PZP: variants seen among roughly 807,000 people sequenced by gnomAD.
The protein encoded by PZP is pregnancy zone protein.
In PZP, 150 loss-of-function variants were observed where a neutral mutation model predicts 179.8. That is an observed-to-expected ratio of 0.83 (90% CI 0.73 to 0.96). The LOEUF is 0.96. Among genes scored for constraint, PZP ranks in the 40% least tolerant of loss-of-function variants. PZP has a pLI of 0.00. For synonymous variants in PZP, 624 were observed against 652.3 expected (o/e 0.96, Z 0.66); for missense variants, 1,689 against 1,764.0 (o/e 0.96, Z 0.76).
Position 9,182,132 on chromosome 12 carries a change from G to GAGTGAGACAAAATGGTCGTA in PZP, c.1547-16_1547-15insTACGACCATTTTGTCTCACT. On this transcript the variant is annotated splice_polypyrimidine_tract_variant and intron_variant, in intron 13 of 35. Transcript: ENST00000261336. Reference sequence around the variant, plus strand: ...ACTGCCTTTCACTGGAACATGGAGAGAGTGAGACAAAATGGTCATAAGTGA... The same window carrying GAGTGAGACAAAATGGTCGTA: ...ACTGCCTTTCACTGGAACATGGAGAGAGTGAGACAAAATGGTCGTAAGTGAGACAAAATGGTCATAAGTGA... The GAGTGAGACAAAATGGTCGTA allele has an allele frequency of 1.9e-6, 3 of 1,554,332 alleles. No individual in the cohort carries two copies. Among genetic ancestry groups the GAGTGAGACAAAATGGTCGTA allele is most frequent in the Non-Finnish European group, 2.6e-6 (3 of 1,146,646 alleles).
In PZP at chr12:9,196,655, C is replaced by T. The variant is rs200092318; in HGVS notation, c.898G>A (p.Val300Ile). ...GTAATCTGGAGCATTTTGGTGTGTA[C>T]TTGTTGGGTGATGCAGCCATTGCTG... ...LNSNGCITQQ[V>I]HTKMLQITNT... Residue 300 changes from valine (V) to isoleucine (I), a missense_variant, in exon 9 of 36, where the codon GTA becomes ATA. This residue lies in a region of PZP where 742 missense variants were observed against 730.5 expected (regional missense o/e 1.02). Coordinates refer to ENST00000261336, the MANE Select transcript of PZP (RefSeq NM_002864.3). 38 of 1,613,362 alleles carry T rather than the reference C, an allele frequency of 2.4e-5. No homozygotes were observed. Among genetic ancestry groups the T allele is most frequent in the African/African-American group, 2.7e-5 (2 of 75,002 alleles).
In PZP at chr12:9,158,443, A is replaced by C. The variant is rs767001817; in HGVS notation, c.3271T>G (p.Ser1091Ala). 2.5e-6 allele frequency: 4 copies of C among 1,614,158 alleles called. No homozygotes were observed. The highest frequency in any genetic ancestry group is 3.4e-6 in the Non-Finnish European group (4 of 1,180,024). Residue 1091 changes from serine (S) to alanine (A), a missense_variant, in exon 26 of 36, where the codon TCA becomes GCA. This residue lies in a region of PZP where 746 missense variants were observed against 749.2 expected (regional missense o/e 1.00). Coordinates refer to ENST00000261336, the MANE Select transcript of PZP (RefSeq NM_002864.3). ...ACCTTTATGGCATTGTTGAGCAGTGACCCAGAGCTCCTGAAACAGCCATTG... is the reference window on the plus strand; with the variant it reads ...ACCTTTATGGCATTGTTGAGCAGTGCCCCAGAGCTCCTGAAACAGCCATTG... ...KDNGCFRSSG[S>A]LLNNAIKGGV...
intron 15 of PZP, among the ~76,000 whole-genome samples, chr12:9,174,765 G>C (rs1226265189): frequency 6.6e-6 from 1 of 151,960 alleles, no homozygotes; most frequent in Non-Finnish European, 1.5e-5. Context: ...GGAAGTGAAG[G>C]ACCTCTTCAA....
chr12:9,162,653 G>T lies in PZP; in HGVS notation c.2737-5C>A. ...TTCTTGCTCAATACCTTCAGCCTTG[G>T]ATGAAAGGAAAGAAAAGGAGAAAAG... is the stretch of plus-strand genomic sequence containing the variant. On this transcript the variant is annotated splice_region_variant and splice_polypyrimidine_tract_variant and intron_variant, in intron 21 of 35. Transcript: ENST00000261336. The T allele has an allele frequency of 6.3e-7, 1 of 1,587,488 alleles. No homozygotes were observed. The highest frequency in any genetic ancestry group is 8.6e-7 in the Non-Finnish European group (1 of 1,157,316).
intron 15 of PZP, 192 bp from the exon 16 acceptor site, chr12:9,169,783 T>A: frequency 1.1e-5 from 5 of 466,990 alleles, no homozygotes; most frequent in Non-Finnish European, 1.8e-5. Flanking sequence ...GAAACCTACT[T>A]GGGAAAATGC....
chr12:9,164,746 A>G (rs1941465350), intron 19 of PZP, among the ~76,000 whole-genome samples: 1 of 152,250 alleles, frequency 6.6e-6, no homozygotes, highest in African/African-American at 2.4e-5. Flanking sequence ...TTACAAAGAG[A>G]TAAGTGCTAT....
downstream of PZP, among the ~76,000 whole-genome samples, chr12:9,144,154 G>A (rs1269634644): frequency 1.3e-5 from 2 of 152,060 alleles, no homozygotes; most frequent in Non-Finnish European, 2.9e-5. Context: ...TTGAACCAGA[G>A]CCACATGAGG....
intron 33 of PZP, 68 bp downstream of exon 33, chr12:9,151,536 T>G (rs975379918): frequency 7.7e-7 from 1 of 1,299,750 alleles, no homozygotes; most frequent in Admixed American, 1.9e-5. Flanking sequence ...TACCGACTAT[T>G]CTAGTAAAGA....
chr12:9,204,379 G>C (rs777291169), intron 1 of PZP, among the ~76,000 whole-genome samples: 1 of 152,206 alleles, frequency 6.6e-6, no homozygotes, highest in Admixed American at 6.5e-5. Flanking sequence ...ATTAAAATCT[G>C]TCTAGATAAA....
intron 4 of PZP, among the ~76,000 whole-genome samples, 156 bp from the exon 5 acceptor site, chr12:9,201,503 A>G (rs2121214567): frequency 6.6e-6 from 1 of 152,324 alleles, no homozygotes; most frequent in Non-Finnish European, 1.5e-5. Flanking sequence ...GGAAATTATT[A>G]AATAGTTCTA....
At position 9,162,782 on chromosome 12, in the gene PZP, T is replaced by C. The variant is rs981121638; in HGVS notation, c.2737-134A>G. 2.6e-5 allele frequency: 19 copies of C among 737,380 alleles called. No homozygotes were observed. In the African/African-American group the frequency reaches 2.8e-4, roughly 11 times the overall value. 45.7% of individuals were successfully genotyped at this position (737,380 alleles called of 1,614,324 possible). A position where few individuals can be genotyped will look rare whatever the true frequency, so the allele number is the denominator to read the frequency against. ...ATCCTACTCTTTTTTTCCCAACTTT[T>C]GTTTTAAGTTCAAGGGGACATGTGC... is the stretch of plus-strand genomic sequence containing the variant. On this transcript the variant is annotated intron_variant, in intron 21 of 35. Coordinates refer to ENST00000261336, the MANE Select transcript of PZP (RefSeq NM_002864.3).
At chr12:9,190,223 C>CAGTA (rs1943380664) in intron 13 of PZP, among the ~76,000 whole-genome samples, 1 of 151,906 alleles carries the variant, frequency 6.6e-6, no homozygotes, top group Non-Finnish European at 1.5e-5. Flanking sequence ...TTGCAATGAA[C>CAGTA]AGTAGCAAAG....
At chr12:9,175,615 A>G (rs1258854937) in intron 15 of PZP, among the ~76,000 whole-genome samples, 1 of 152,212 alleles carries the variant, frequency 6.6e-6, no homozygotes, top group African/African-American at 2.4e-5. Context: ...CAAATTTACA[A>G]GAAATAAAAA....
At chr12:9,182,605 T>G (rs1173584829) in intron 13 of PZP, among the ~76,000 whole-genome samples, 2 of 152,222 alleles carry the variant, frequency 1.3e-5, no homozygotes, top group Non-Finnish European at 2.9e-5. Context: ...TCTTGGAGTT[T>G]TCATTGCAGT....
At chr12:9,168,673 G>A (rs1220154179) in intron 17 of PZP, 196 bp downstream of exon 17, 1 of 501,900 alleles carries the variant, frequency 2.0e-6, no homozygotes, top group Non-Finnish European at 3.5e-6. Context: ...TGAAGTATCG[G>A]ATGTATCTAA....
chr12:9,193,633 T>G (rs1943579811), intron 11 of PZP, among the ~76,000 whole-genome samples: 1 of 152,214 alleles, frequency 6.6e-6, no homozygotes, highest in Non-Finnish European at 1.5e-5. Flanking sequence ...AATTATAGTC[T>G]TTTATCACTT....
chr12:9,198,818 T>C (rs1943989609), intron 7 of PZP, among the ~76,000 whole-genome samples: 1 of 152,216 alleles, frequency 6.6e-6, no homozygotes, highest in African/African-American at 2.4e-5. Context: ...ATATCTGCAC[T>C]ACGGCACTAT....
the PZP span, among the ~76,000 whole-genome samples, chr12:9,138,441 C>A: frequency 3.0e-4 from 46 of 151,394 alleles, no homozygotes; most frequent in African/African-American, 1.1e-3. Flanking sequence ...CATCTATATT[C>A]ATCAGAGATA....
chr12:9,179,005 C>T (rs1202975949), intron 15 of PZP, among the ~76,000 whole-genome samples: 1 of 152,106 alleles, frequency 6.6e-6, no homozygotes, highest in Non-Finnish European at 1.5e-5. Flanking sequence ...GGTAATAATA[C>T]CTCCCAAACA....
Sources: allele counts gnomAD v4.1 joint callset (sites outside exome capture counted in the v4.1 genomes callset), GRCh38; gene constraint gnomAD v4.1.1; regional missense constraint gnomAD v4.1.1; transcripts MANE v1.5; gene names NCBI Gene and HGNC (gene_info 2026-07-23, HGNC 2026-07-21).